Variants in CNTNAP2 observed in about 807,000 individuals in gnomAD.
The protein encoded by CNTNAP2 is contactin-associated protein-like 2.
CNTNAP2 carries 98 observed loss-of-function variants against 155.2 expected under a neutral mutation model. The observed-to-expected ratio is 0.63, with a 90% confidence interval of 0.54 to 0.75. The LOEUF (loss-of-function observed/expected upper bound fraction) is 0.75, where lower values mean the gene tolerates loss of function less well. CNTNAP2 is among the 30% of genes least tolerant of loss of function. The probability of loss-of-function intolerance (pLI) is 0.00; values close to 1 mark genes in which losing one functional copy is unlikely to be tolerated. For synonymous variants in CNTNAP2, 651 were observed against 631.2 expected, an observed-to-expected ratio of 1.03 and a Z score of -0.47; for missense variants, 1,727 against 1,688.1, an observed-to-expected ratio of 1.02 and a Z score of -0.40.
chr7:147,476,592 A>G (rs1584757772), intron 10 of CNTNAP2, among the ~76,000 whole-genome samples: 1 of 151,958 alleles, frequency 6.6e-6, no homozygotes. Context: ...ATGGCTACCC[A>G]TAAACTTTTC....
At chr7:147,905,257 T>C (rs1034630843) in intron 14 of CNTNAP2, among the ~76,000 whole-genome samples, 2 of 152,176 alleles carry the variant, frequency 1.3e-5, no homozygotes, top group African/African-American at 4.8e-5. Flanking sequence ...GAAGCTGACA[T>C]TGGGTTCAGC....
chr7:146,562,383 A>G (rs557924271), intron 1 of CNTNAP2, among the ~76,000 whole-genome samples: 1 of 152,322 alleles, frequency 6.6e-6, no homozygotes, highest in East Asian at 1.9e-4. Flanking sequence ...GTGCTAAAAA[A>G]TTAAAAAGGT....
chr7:147,106,227 A>C lies in CNTNAP2; in HGVS notation c.551-1920A>C, dbSNP rs549514085. Among the ~76,000 whole-genome samples, 4 of 152,198 alleles carry C rather than the reference A, an allele frequency of 2.6e-5. No individual in the cohort carries two copies. The East Asian group carries it at 7.7e-4, about 29-fold the overall frequency. ...GTCACTGATAGGAAATTGACTGCAAAACTACTGTCTAGAGTTCAGAATTTA... is the reference window on the plus strand; with the variant it reads ...GTCACTGATAGGAAATTGACTGCAACACTACTGTCTAGAGTTCAGAATTTA... On this transcript the variant is annotated intron_variant, in intron 4 of 23. Coordinates refer to ENST00000361727, the MANE Select transcript of CNTNAP2 (RefSeq NM_014141.6).
intron 8 of CNTNAP2, among the ~76,000 whole-genome samples, chr7:147,277,234 A>G (rs1804916445): frequency 6.6e-6 from 1 of 152,014 alleles, no homozygotes; most frequent in Non-Finnish European, 1.5e-5. Context: ...GCTGAAATAT[A>G]AATAGGAACA....
chr7:146,287,461 ACATATTAT>A (rs774656735), intron 1 of CNTNAP2, among the ~76,000 whole-genome samples: 1 of 152,176 alleles, frequency 6.6e-6, no homozygotes, highest in African/African-American at 2.4e-5. Context: ...TGTTTTGAAG[ACATATTAT>A]GATTTTTCTC....
chr7:147,339,860 A>G (rs896510643), intron 9 of CNTNAP2, among the ~76,000 whole-genome samples: 1 of 152,138 alleles, frequency 6.6e-6, no homozygotes, highest in African/African-American at 2.4e-5. Flanking sequence ...TAAATTGGCC[A>G]AAGAGGTCAT....
intron 1 of CNTNAP2, among the ~76,000 whole-genome samples, chr7:146,628,657 C>A (rs899236000): frequency 6.6e-6 from 1 of 151,812 alleles, no homozygotes; most frequent in Non-Finnish European, 1.5e-5. Flanking sequence ...AAACTATGAA[C>A]CCTTGAGCAC....
At chr7:147,291,343 C>T (rs978823154) in intron 8 of CNTNAP2, among the ~76,000 whole-genome samples, 5 of 151,954 alleles carry the variant, frequency 3.3e-5, no homozygotes, top group African/African-American at 9.7e-5. Context: ...ACAACAGGCC[C>T]CGGTGTGTGA....
At chr7:147,126,776 C>T (rs898443852) in intron 6 of CNTNAP2, among the ~76,000 whole-genome samples, 1 of 152,098 alleles carries the variant, frequency 6.6e-6, no homozygotes, top group Non-Finnish European at 1.5e-5. Flanking sequence ...CCTGGCCCAC[C>T]AATGAGAATT....
At chr7:147,265,087 A>G (rs1035931794) in intron 8 of CNTNAP2, among the ~76,000 whole-genome samples, 3 of 152,098 alleles carry the variant, frequency 2.0e-5, no homozygotes, top group Admixed American at 2.0e-4. Flanking sequence ...CTTCAGAAGG[A>G]CTCCCAGGTA....
At chr7:147,082,080 C>T (rs1800144083) in intron 4 of CNTNAP2, 1 of 152,074 alleles carries the variant, frequency 6.6e-6, no homozygotes, top group South Asian at 2.1e-4. Context: ...ACAATGGTTT[C>T]ATTGAGTGCT....
At chr7:147,631,377 T>C (rs1795081948) in intron 12 of CNTNAP2, among the ~76,000 whole-genome samples, 1 of 152,040 alleles carries the variant, frequency 6.6e-6, no homozygotes, top group African/African-American at 2.4e-5. Flanking sequence ...CATGGATGGG[T>C]AGAATCAATA....
intron 1 of CNTNAP2, among the ~76,000 whole-genome samples, chr7:146,621,681 G>A (rs1055175799): frequency 1.3e-5 from 2 of 152,082 alleles, no homozygotes; most frequent in Admixed American, 6.5e-5. Flanking sequence ...CTAGCAACAC[G>A]ACTTGTCACT....
intron 1 of CNTNAP2, among the ~76,000 whole-genome samples, chr7:146,234,445 G>A (rs1799438287): frequency 6.6e-6 from 1 of 151,964 alleles, no homozygotes; most frequent in Admixed American, 6.6e-5. Context: ...TTGTTTTGCT[G>A]TGCAGAAGCT....
intron 1 of CNTNAP2, among the ~76,000 whole-genome samples, chr7:146,299,370 A>G (rs1357167796): frequency 6.6e-6 from 1 of 152,150 alleles, no homozygotes; most frequent in African/African-American, 2.4e-5. Flanking sequence ...TCAAAATTAT[A>G]AAGCAGAAAA....
rs141916677 is a variant in CNTNAP2, at chr7:146,416,855, G to A, written c.97+299882G>A. Reference sequence around the variant, plus strand: ...AAAGATGAATCAATTACCCAATTTCGCCATCTTTTTAAAATGCATAGCATC... The same window carrying A: ...AAAGATGAATCAATTACCCAATTTCACCATCTTTTTAAAATGCATAGCATC... On this transcript the variant is annotated intron_variant, in intron 1 of 23. Coordinates refer to ENST00000361727, the MANE Select transcript of CNTNAP2 (RefSeq NM_014141.6). Among the ~76,000 whole-genome samples the A allele has an allele frequency of 2.7e-3, 409 of 152,042 alleles. 1 individual carries two copies. Among genetic ancestry groups the A allele is most frequent in the Non-Finnish European group, 4.5e-3 (308 of 67,992 alleles).
chr7:148,229,512 G>T (rs989676665), intron 19 of CNTNAP2, 134 bp from the exon 20 acceptor site: 4 of 1,210,782 alleles, frequency 3.3e-6, no homozygotes, highest in Non-Finnish European at 3.5e-6. Flanking sequence ...GCAAGAGCAA[G>T]ACTCCGTCAA....
chr7:148,039,379 T>C (rs981604264), intron 15 of CNTNAP2, among the ~76,000 whole-genome samples: 1 of 152,162 alleles, frequency 6.6e-6, no homozygotes, highest in Non-Finnish European at 1.5e-5. Flanking sequence ...CCTGCCCACA[T>C]GAGGGAGGAT....
intron 8 of CNTNAP2, among the ~76,000 whole-genome samples, chr7:147,166,292 T>C (rs1327530695): frequency 1.3e-5 from 2 of 151,942 alleles, no homozygotes; most frequent in East Asian, 3.9e-4. Context: ...ATACAAGGAA[T>C]GGAAAACCAA....
Sources: gnomAD v4.1 joint callset for allele counts (sites outside exome capture counted in the v4.1 genomes callset) on GRCh38, gnomAD v4.1.1 for gene constraint, MANE v1.5 for transcripts, NCBI Gene and HGNC (gene_info 2026-07-23, HGNC 2026-07-21) for gene names.